Variants in SULT1C3 observed in about 807,000 individuals in gnomAD.
SULT1C3 encodes the protein sulfotransferase 1C3.
Under a neutral mutation model 28.4 loss-of-function variants are expected in SULT1C3, and 31 were observed. The observed-to-expected ratio is 1.09, with a 90% CI of 0.82 to 1.47. SULT1C3 has a LOEUF of 1.47. SULT1C3 is among the 40% of genes most tolerant of loss of function. The pLI is 0.00. For missense variants in SULT1C3, 307 were observed against 272.5 expected, an observed-to-expected ratio of 1.13 and a Z score of -0.89; for synonymous variants, 106 against 92.2, an observed-to-expected ratio of 1.15 and a Z score of -0.86.
chr2:108,253,615 A>G (rs1484020171), intron 4 of SULT1C3, among the ~76,000 whole-genome samples, 173 bp downstream of exon 4: 1 of 152,124 alleles, frequency 6.6e-6, no homozygotes, highest in Non-Finnish European at 1.5e-5. Flanking sequence ...ATCTGCAAAC[A>G]TCCATGTTTT....
At chr2:108,245,117 T>C (rs1193475719) in intron 1 of SULT1C3, among the ~76,000 whole-genome samples, 1 of 152,184 alleles carries the variant, frequency 6.6e-6, no homozygotes, top group African/African-American at 2.4e-5. Flanking sequence ...TCCTCAACTA[T>C]TTTCTGTCTT....
At chr2:108,242,196 T>C (rs1452215211) in intron 1 of SULT1C3, among the ~76,000 whole-genome samples, 1 of 152,218 alleles carries the variant, frequency 6.6e-6, no homozygotes, top group Non-Finnish European at 1.5e-5. Flanking sequence ...CTTAAGAGTA[T>C]TTTTAATTCT....
intron 3 of SULT1C3, among the ~76,000 whole-genome samples, chr2:108,252,996 C>T (rs551369825): frequency 2.2e-4 from 33 of 151,498 alleles, no homozygotes; most frequent in African/African-American, 7.5e-4. Flanking sequence ...CCAAGAATGA[C>T]AACCTATTGT....
chr2:108,248,308 G>A (rs1675637903), intron 2 of SULT1C3, among the ~76,000 whole-genome samples: 1 of 152,134 alleles, frequency 6.6e-6, no homozygotes, highest in Non-Finnish European at 1.5e-5. Context: ...AAGATTGGAT[G>A]TGTACTCCAG....
intron 5 of SULT1C3, 140 bp downstream of exon 5, chr2:108,255,838 A>G (rs1388171774): frequency 9.5e-7 from 1 of 1,052,024 alleles, no homozygotes; most frequent in Non-Finnish European, 1.3e-6. Flanking sequence ...TGGAGAAGCC[A>G]GGTAGAAGAG....
Position 108,258,990 on chromosome 2 carries a change from G to C in SULT1C3, c.646G>C (p.Val216Leu). 1.5e-6 allele frequency: 1 copy of C among 680,464 alleles called. No homozygotes were observed. Among genetic ancestry groups the C allele is most frequent in the Non-Finnish European group, 2.6e-6 (1 of 378,512 alleles). 42.2% of individuals were successfully genotyped at this position (680,464 alleles called of 1,614,324 possible). The change falls in exon 7 of 8, where the codon GTG becomes CTG. Residue 216 changes from valine (V) to leucine (L), a missense_variant. Coordinates refer to ENST00000681802, the MANE Select transcript of SULT1C3 (RefSeq NM_001320878.2). Reference protein sequence around the residue: ...KKNPKHEIHKVLEFLEKTWSG... With the variant: ...KKNPKHEIHKLLEFLEKTWSG... ...GAATCCAAAACATGAGATCCACAAG[G>C]TGTTGGAATTCTTGGAGAAAACTTG...
In SULT1C3 at chr2:108,258,818, A is replaced by C. The variant is rs1675942323; in HGVS notation, c.611A>C (p.Asp204Ala). 3 of 1,612,054 alleles carry C rather than the reference A, an allele frequency of 1.9e-6. No homozygotes were observed. The highest frequency in any genetic ancestry group is 1.7e-6 in the Non-Finnish European group (2 of 1,178,862). Residue 204 changes from aspartate to alanine, a missense_variant, in exon 6 of 8, where the codon GAT (aspartate) becomes GCT (alanine). By Grantham distance (126) the Asp-to-Ala change is moderately radical. Coordinates refer to ENST00000681802, the MANE Select transcript of SULT1C3 (RefSeq NM_001320878.2). ...MHRILYLFYEDIKKNPKHEIH... is the reference protein window; with the variant it reads ...MHRILYLFYEAIKKNPKHEIH... Reference sequence around the variant, plus strand: ...CGGATCCTCTACCTCTTCTACGAGGATATTAAAAAAGTAAGTGGCACTGAG... The same window carrying C: ...CGGATCCTCTACCTCTTCTACGAGGCTATTAAAAAAGTAAGTGGCACTGAG...
At chr2:108,261,129 C>T (rs1676017324), downstream of SULT1C3, among the ~76,000 whole-genome samples, 1 of 152,056 alleles carries the variant, frequency 6.6e-6, no homozygotes, top group African/African-American at 2.4e-5. Context: ...GAGAAAAGAG[C>T]TGATAAGTAC....
intron 5 of SULT1C3, among the ~76,000 whole-genome samples, chr2:108,256,986 C>A (rs1443165904): frequency 6.6e-6 from 1 of 151,960 alleles, no homozygotes. Flanking sequence ...ATCCAAGCTT[C>A]TTTTCTTATA....
chr2:108,258,755 A>T lies in SULT1C3; in HGVS notation c.548A>T (p.Asp183Val). 1.9e-6 allele frequency: 3 copies of T among 1,612,804 alleles called. No individual in the cohort carries two copies. Among genetic ancestry groups the T allele is most frequent in the Non-Finnish European group, 2.5e-6 (3 of 1,179,270 alleles). Residue 183 changes from aspartate to valine, a missense_variant, in exon 6 of 8, where the codon GAC becomes GTC. Coordinates refer to ENST00000681802, the MANE Select transcript of SULT1C3 (RefSeq NM_001320878.2). ...CCAGTTGTTGGCGGGTCCTGGTTTG[A>T]CCATGTGAAAGGATGGTGGGCTGCA... ...SGKVVGGSWF[D>V]HVKGWWAAKD... is the part of the protein sequence containing the mutation.
Position 108,258,803 on chromosome 2 carries a change from A to T in SULT1C3, c.596A>T (p.Tyr199Phe). The T allele has an allele frequency of 6.2e-7, 1 of 1,612,624 alleles. No homozygotes were observed. Among genetic ancestry groups the T allele is most frequent in the Non-Finnish European group, 8.5e-7 (1 of 1,179,178 alleles). ...WAAKDMHRILYLFYEDIKKNP... is the reference protein window; with the variant it reads ...WAAKDMHRILFLFYEDIKKNP... Reference sequence around the variant, plus strand: ...GCAAAAGACATGCACCGGATCCTCTACCTCTTCTACGAGGATATTAAAAAA... The same window carrying T: ...GCAAAAGACATGCACCGGATCCTCTTCCTCTTCTACGAGGATATTAAAAAA... Residue 199 changes from tyrosine (Y) to phenylalanine (F), a missense_variant, in exon 6 of 8, where the codon TAC becomes TTC. Tyr to Phe is a conservative substitution (Grantham distance 22). Coordinates refer to ENST00000681802, the MANE Select transcript of SULT1C3 (RefSeq NM_001320878.2).
chr2:108,249,268 C>A (rs1235340331), intron 2 of SULT1C3, among the ~76,000 whole-genome samples: 1 of 151,882 alleles, frequency 6.6e-6, no homozygotes, highest in Non-Finnish European at 1.5e-5. Context: ...AAGTCTTCAA[C>A]CTAGAATTCC....
intron 1 of SULT1C3, among the ~76,000 whole-genome samples, chr2:108,240,489 T>A (rs1168879637): frequency 6.6e-6 from 1 of 152,158 alleles, no homozygotes; most frequent in Non-Finnish European, 1.5e-5. Flanking sequence ...ATATAGAATT[T>A]CCCTTTGGGG....
At chr2:108,255,971 A>C (rs921911196) in intron 5 of SULT1C3, among the ~76,000 whole-genome samples, 2 of 152,102 alleles carry the variant, frequency 1.3e-5, no homozygotes, top group Non-Finnish European at 2.9e-5. Flanking sequence ...CAAAATAAGA[A>C]GAGGCAACAT....
chr2:108,247,406 G>C (rs371527953), intron 2 of SULT1C3, 40 bp downstream of exon 2: 1 of 1,453,524 alleles, frequency 6.9e-7, no homozygotes, highest in Non-Finnish European at 9.2e-7. Flanking sequence ...ATATTTTCAC[G>C]TGAAATTATT....
downstream of SULT1C3, among the ~76,000 whole-genome samples, chr2:108,262,519 C>A (rs114073079): frequency 1.6e-3 from 248 of 152,176 alleles, 1 homozygote; most frequent in Non-Finnish European, 2.8e-3. Context: ...GCTGAGAGTC[C>A]AGGTGTAGAA....
downstream of SULT1C3, among the ~76,000 whole-genome samples, chr2:108,262,438 C>A (rs1676045492): frequency 1.3e-5 from 2 of 152,216 alleles, no homozygotes; most frequent in African/African-American, 4.8e-5. Context: ...TGATGACCAA[C>A]TATACAAAGC....
chr2:108,258,822 T>TA lies in SULT1C3; in HGVS notation c.621dup (p.Asn208LysfsTer5). On this transcript the variant is annotated frameshift_variant, in exon 6 of 8. Transcript: ENST00000681802. LOFTEE classifies it high-confidence loss of function. ...TCCTCTACCTCTTCTACGAGGATATTAAAAAAGTAAGTGGCACTGAGACTT... is the reference window on the plus strand; with the variant it reads ...TCCTCTACCTCTTCTACGAGGATATTAAAAAAAGTAAGTGGCACTGAGACTT... The TA allele has an allele frequency of 6.2e-6, 10 of 1,610,848 alleles. No individual in the cohort carries two copies. The highest frequency in any genetic ancestry group is 8.5e-6 in the Non-Finnish European group (10 of 1,177,976).
chr2:108,256,558 T>C (rs1005529771), intron 5 of SULT1C3, among the ~76,000 whole-genome samples: 9 of 152,014 alleles, frequency 5.9e-5, no homozygotes, highest in Non-Finnish European at 1.2e-4. Flanking sequence ...CTTCCATAAG[T>C]GAAATGGGTG....
Sources: allele counts gnomAD v4.1 joint callset (sites outside exome capture counted in the v4.1 genomes callset), GRCh38; gene constraint gnomAD v4.1.1; transcripts MANE v1.5; gene names NCBI Gene and HGNC (gene_info 2026-07-23, HGNC 2026-07-21).